ADGRG4: variants seen among roughly 807,000 people sequenced by gnomAD.
ADGRG4 encodes G protein-coupled receptor 112.
ADGRG4 carries 122 observed loss-of-function variants against 126.2 expected under a neutral mutation model. That is an observed-to-expected ratio of 0.97 (90% CI 0.83 to 1.12). The LOEUF (loss-of-function observed/expected upper bound fraction) is 1.12, where lower values mean the gene tolerates loss of function less well. ADGRG4 is among the 50% of genes most tolerant of loss of function. The pLI is 0.00. For synonymous variants in ADGRG4, 943 were observed against 838.7 expected (o/e 1.12, Z -2.15); for missense variants, 2,481 against 2,251.8 (o/e 1.10, Z -2.06).
chrX:136,348,210 T>C lies in ADGRG4; in HGVS notation c.4504T>C (p.Ser1502Pro), dbSNP rs2075032973. Residue 1502 changes from serine to proline, a missense_variant, in exon 6 of 26, where the codon TCC becomes CCC. Ser to Pro is a moderately conservative substitution (Grantham distance 74). Coordinates refer to ENST00000394143, the MANE Select transcript of ADGRG4 (RefSeq NM_153834.4). ...PNVPTMLPRE[S>P]SMATSTPIYQ... is the part of the protein sequence containing the mutation. ...TGTACCTACAATGCTTCCTAGAGAA[T>C]CCTCTATGGCAACGTCCACTCCTAT... 8.3e-7 allele frequency: 1 copy of C among 1,206,959 alleles called. No individual in the cohort carries two copies. The highest frequency in any genetic ancestry group is 1.1e-6 in the Non-Finnish European group (1 of 892,819).
intron 15 of ADGRG4, among the ~76,000 whole-genome samples, chrX:136,378,427 T>C (rs1293614490): frequency 9.0e-6 from 1 of 111,571 alleles, no homozygotes; most frequent in Non-Finnish European, 1.9e-5. Context: ...GCCAACATCA[T>C]GTGACAATAG....
At chrX:136,304,616 C>T (rs1359108989) in intron 2 of ADGRG4, among the ~76,000 whole-genome samples, 1 of 112,268 alleles carries the variant, frequency 8.9e-6, no homozygotes, top group African/African-American at 3.2e-5. Flanking sequence ...GATGTGTTTC[C>T]CTGTCCTCAG....
chrX:136,377,739 T>A (rs982007772), intron 15 of ADGRG4, among the ~76,000 whole-genome samples: 2 of 111,620 alleles, frequency 1.8e-5, no homozygotes, highest in African/African-American at 6.5e-5. Context: ...TCCAGCATCA[T>A]TTGTTGAAAA....
At chrX:136,404,657 C>T (rs971147082) in intron 22 of ADGRG4, among the ~76,000 whole-genome samples, 1 of 111,795 alleles carries the variant, frequency 8.9e-6, no homozygotes, top group East Asian at 2.8e-4. Flanking sequence ...CACCATTTAG[C>T]ACCTTGGTCT....
At chrX:136,334,870 C>A (rs2074939649) in intron 5 of ADGRG4, among the ~76,000 whole-genome samples, 1 of 111,505 alleles carries the variant, frequency 9.0e-6, no homozygotes, top group Non-Finnish European at 1.9e-5. Flanking sequence ...ATCTGCAATG[C>A]CTTAAAAAAT....
intron 10 of ADGRG4, among the ~76,000 whole-genome samples, chrX:136,358,044 G>A (rs773568812): frequency 2.7e-5 from 3 of 111,702 alleles, no homozygotes; most frequent in Admixed American, 1.9e-4. Context: ...TGGTCAAAAA[G>A]GTCCACGAAA....
At chrX:136,392,519 A>G (rs2075325300) in intron 17 of ADGRG4, among the ~76,000 whole-genome samples, 165 bp downstream of exon 17, 1 of 112,055 alleles carries the variant, frequency 8.9e-6, no homozygotes, top group Non-Finnish European at 1.9e-5. Flanking sequence ...TCCAGAAATA[A>G]TGCCTTATCC....
intron 4 of ADGRG4, among the ~76,000 whole-genome samples, chrX:136,312,819 C>T (rs2074781321): frequency 9.0e-6 from 1 of 111,073 alleles, no homozygotes; most frequent in South Asian, 3.8e-4. Flanking sequence ...GTTCCTCCCC[C>T]AGCACTCCAG....
Position 136,344,788 on chromosome X carries a change from C to T in ADGRG4, c.1082C>T (p.Ala361Val). 8.3e-7 allele frequency: 1 copy of T among 1,208,356 alleles called. No individual in the cohort carries two copies. The highest frequency in any genetic ancestry group is 1.1e-6 in the Non-Finnish European group (1 of 892,914). Residue 361 changes from alanine (A) to valine (V), a missense_variant, in exon 6 of 26, where the codon GCT becomes GTT. Physicochemically the swap from Ala to Val is moderately conservative, Grantham distance 64. Coordinates refer to ENST00000394143, the MANE Select transcript of ADGRG4 (RefSeq NM_153834.4). ...TKTTKMVEAM[A>V]TEIFQPPTPS... ...ACAACAAAAATGGTTGAAGCCATGG[C>T]TACTGAAATCTTTCAACCACCTACA...
chrX:136,406,046 T>C (rs2075407324), intron 23 of ADGRG4, 74 bp downstream of exon 23: 1 of 982,252 alleles, frequency 1.0e-6, no homozygotes, highest in Admixed American at 3.1e-5. Context: ...TGGAAAATAA[T>C]CACCTGTTGG....
rs781372305 is a variant in ADGRG4 at position 136,353,232 on chromosome X, C to G, written c.6823-105C>G. 1.6e-5 allele frequency: 9 copies of G among 548,329 alleles called. No homozygotes were observed. The East Asian group carries it at 2.1e-4, about 13-fold the overall frequency. 45.2% of individuals were successfully genotyped at this position (548,329 alleles called of 1,213,427 possible). On this transcript the variant is annotated intron_variant, in intron 7 of 25. Transcript: ENST00000394143. Reference sequence around the variant, plus strand: ...GGAGCAGATGGAAATGTTGAGCCAGCTGAAATAATGAGTGCAGCTTAATGA... The same window carrying G: ...GGAGCAGATGGAAATGTTGAGCCAGGTGAAATAATGAGTGCAGCTTAATGA...
Position 136,344,568 on chromosome X carries a change from A to G in ADGRG4, c.862A>G (p.Asn288Asp), listed in dbSNP as rs1437962001. Reference sequence around the variant, plus strand: ...TGATTACACAACCATATCATATTCCAATACAACATCTCCACCTCTGGAAAC... The same window carrying G: ...TGATTACACAACCATATCATATTCCGATACAACATCTCCACCTCTGGAAAC... The part of the protein sequence containing the change: ...ATDYTTISYS[N>D]TTSPPLETMT... The change falls in exon 6 of 26, where the codon AAT becomes GAT. Residue 288 changes from asparagine to aspartate, a missense_variant. Coordinates refer to ENST00000394143, the MANE Select transcript of ADGRG4 (RefSeq NM_153834.4). 2 of 1,204,369 alleles carry G rather than the reference A, an allele frequency of 1.7e-6. No individual in the cohort carries two copies. Among genetic ancestry groups the G allele is most frequent in the Non-Finnish European group, 2.2e-6 (2 of 889,181 alleles).
At chrX:136,327,510 C>G (rs2074881549) in intron 5 of ADGRG4, among the ~76,000 whole-genome samples, 1 of 92,555 alleles carries the variant, frequency 1.1e-5, no homozygotes, top group African/African-American at 3.9e-5. Flanking sequence ...ACATGTGGTT[C>G]TGCAACTTGA....
At chrX:136,354,049 A>G (rs2075078899) in intron 8 of ADGRG4, among the ~76,000 whole-genome samples, 1 of 112,235 alleles carries the variant, frequency 8.9e-6, no homozygotes, top group Admixed American at 9.4e-5. Flanking sequence ...AGCCATGGCA[A>G]ACTGATTTTT....
intron 16 of ADGRG4, among the ~76,000 whole-genome samples, chrX:136,388,664 C>T (rs181826902): frequency 3.1e-4 from 35 of 111,997 alleles, no homozygotes; most frequent in Middle Eastern, 4.6e-3. Context: ...CTAACAAAAG[C>T]CTCATTCGTT....
At chrX:136,380,604 C>CTTCTTCTTCTTCT (rs2075255782) in intron 15 of ADGRG4, among the ~76,000 whole-genome samples, 1 of 55,346 alleles carries the variant, frequency 1.8e-5, no homozygotes, top group Non-Finnish European at 3.5e-5. Context: ...CCTCCTCCTC[C>CTTCTTCTTCTTCT]TCTTCTTCTT....
chrX:136,356,488 G>C (rs1333685832), intron 9 of ADGRG4, among the ~76,000 whole-genome samples: 1 of 111,887 alleles, frequency 8.9e-6, no homozygotes, highest in African/African-American at 3.2e-5. Flanking sequence ...TTGTTTGCAA[G>C]ACTGGCATTC....
intron 4 of ADGRG4, among the ~76,000 whole-genome samples, chrX:136,311,259 G>A (rs1204814844): frequency 9.0e-6 from 1 of 110,773 alleles, no homozygotes; most frequent in Non-Finnish European, 1.9e-5. Flanking sequence ...TTAGGGGAGG[G>A]GGAAACAAAC....
chrX:136,396,391 GTA>G lies in ADGRG4; in HGVS notation c.8184+910_8184+911del, dbSNP rs761870629. ...CATATATATATATATATATATGTAT[GTA>G]TATATATATATTTTTTTTTTGAGAT... On this transcript the variant is annotated intron_variant, in intron 19 of 25. Coordinates refer to ENST00000394143, the MANE Select transcript of ADGRG4 (RefSeq NM_153834.4). Among the ~76,000 whole-genome samples the G allele has an allele frequency of 3.1e-3, 315 of 101,929 alleles. 2 individuals carry two copies. The highest frequency in any genetic ancestry group is 4.9e-3 in the Non-Finnish European group (249 of 50,532). 88.5% of individuals were successfully genotyped at this position (101,929 alleles called of 115,157 possible). A position where few individuals can be genotyped will look rare whatever the true frequency, so the allele number is the denominator to read the frequency against.
Sources: gnomAD v4.1 joint callset for allele counts (sites outside exome capture counted in the v4.1 genomes callset) on GRCh38, gnomAD v4.1.1 for gene constraint, MANE v1.5 for transcripts, NCBI Gene and HGNC (gene_info 2026-07-23, HGNC 2026-07-21) for gene names.